The following HUNK variants were observed in gnomAD, a reference collection of about 807,000 sequenced individuals.
HUNK encodes hormonally up-regulated Neu-associated kinase, also known as hormonally up-regulated neu tumor-associated kinase.
A neutral mutation model predicts 61.0 loss-of-function variants in HUNK; 21 were observed. The observed-to-expected ratio is 0.34, with a 90% CI of 0.24 to 0.50. HUNK has a LOEUF of 0.50. Among genes scored for constraint, HUNK ranks in the 20% least tolerant of loss-of-function variants. The pLI is 0.98. For missense variants in HUNK, 772 were observed against 945.7 expected (o/e 0.82, Z 2.41); for synonymous variants, 371 against 386.1 (o/e 0.96, Z 0.46).
chr21:31,978,352 C>G (rs1417265621), intron 7 of HUNK, among the ~76,000 whole-genome samples: 3 of 152,262 alleles, frequency 2.0e-5, no homozygotes, highest in East Asian at 3.9e-4. Context: ...AATCTACTCT[C>G]TTAGCAATTT....
intron 8 of HUNK, among the ~76,000 whole-genome samples, chr21:31,988,929 C>T (rs1162640425): frequency 6.6e-5 from 10 of 151,918 alleles, no homozygotes; most frequent in African/African-American, 2.4e-4. Context: ...CTCCCTGGCT[C>T]AGGTGATCCT....
rs76834263 is a variant in HUNK, at chr21:31,999,274, C to T, written c.*90C>T. On this transcript the variant is annotated 3_prime_UTR_variant, in exon 11 of 11. Transcript: ENST00000270112. ...TCAGGGTGTGAGCACTCCAAGGCCT[C>T]GCGTGGAGCATCCTTAGTCCCACCT... 0.036 allele frequency: 43,231 copies of T among 1,203,064 alleles called. 917 individuals are homozygous for T. Among genetic ancestry groups the T allele is most frequent in the Non-Finnish European group, 0.043 (36,248 of 850,874 alleles). 74.5% of individuals were successfully genotyped at this position (1,203,064 alleles called of 1,614,324 possible).
rs1031722107 is a variant in HUNK at position 31,880,178 on chromosome 21, T to C, written c.261+6243T>C. On this transcript the variant is annotated intron_variant, in intron 1 of 10. Transcript: ENST00000270112. ...CAGGGTGCCCCTCCCGTGCACATTC[T>C]TGTTAGATGCCTGCAGCAGCCCTGG... 2.0e-5 allele frequency among the ~76,000 whole-genome samples: 3 copies of C among 152,190 alleles called. No homozygotes were observed. In the East Asian group the frequency reaches 5.8e-4, roughly 29 times the overall value.
At chr21:31,889,591 C>T (rs990823076) in intron 1 of HUNK, among the ~76,000 whole-genome samples, 1 of 152,186 alleles carries the variant, frequency 6.6e-6, no homozygotes, top group African/African-American at 2.4e-5. Flanking sequence ...GAAAACACAT[C>T]TCCAGGTTTT....
intron 7 of HUNK, among the ~76,000 whole-genome samples, chr21:31,982,806 AT>A (rs2053107038): frequency 2.0e-5 from 3 of 151,024 alleles, no homozygotes; most frequent in African/African-American, 7.3e-5. Context: ...GTTTATTTTT[AT>A]TTTTATTTTT....
rs181466039 is a variant in HUNK at position 31,926,521 on chromosome 21, C to G, written c.554+1761C>G. Among the ~76,000 whole-genome samples, 645 of 152,244 alleles carry G rather than the reference C, an allele frequency of 4.2e-3. 1 individual carries two copies. The highest frequency in any genetic ancestry group is 0.014 in the African/African-American group (595 of 41,530). On this transcript the variant is annotated intron_variant, in intron 2 of 10. Coordinates refer to ENST00000270112, the MANE Select transcript of HUNK (RefSeq NM_014586.2). Reference sequence around the variant, plus strand: ...TCCCCATTTCCCTCTTCCCCCAGCCCTGGCAACTACTAATTTACTTTCCGT... The same window carrying G: ...TCCCCATTTCCCTCTTCCCCCAGCCGTGGCAACTACTAATTTACTTTCCGT...
chr21:31,944,238 C>T (rs929363033), intron 3 of HUNK, among the ~76,000 whole-genome samples: 1 of 152,204 alleles, frequency 6.6e-6, no homozygotes, highest in African/African-American at 2.4e-5. Context: ...CGCCTCCGCG[C>T]CTGGCTAATT....
At chr21:31,884,774 CTTCTTTTTTTT>C (rs1284225781) in intron 1 of HUNK, among the ~76,000 whole-genome samples, 4 of 151,382 alleles carry the variant, frequency 2.6e-5, no homozygotes, top group African/African-American at 9.8e-5. Flanking sequence ...AGACACGTCT[CTTCTTTTTTTT>C]TTCTTTTTTT....
intron 5 of HUNK, among the ~76,000 whole-genome samples, chr21:31,960,156 C>T (rs1256320378): frequency 6.6e-6 from 1 of 152,242 alleles, no homozygotes. Flanking sequence ...ATTTCATACT[C>T]ATTAGCTTAT....
intron 1 of HUNK, among the ~76,000 whole-genome samples, chr21:31,893,021 G>A (rs1354118356): frequency 6.6e-6 from 1 of 152,078 alleles, no homozygotes; most frequent in African/African-American, 2.4e-5. Flanking sequence ...GTAGGGGAGG[G>A]AAAAATGTCT....
At chr21:31,928,089 T>G (rs2052673226) in intron 2 of HUNK, among the ~76,000 whole-genome samples, 1 of 152,214 alleles carries the variant, frequency 6.6e-6, no homozygotes, top group Non-Finnish European at 1.5e-5. Flanking sequence ...GTCGTAAGTG[T>G]GCCTGGCTCT....
At chr21:31,970,735 C>T (rs972440733) in intron 6 of HUNK, among the ~76,000 whole-genome samples, 25 of 152,196 alleles carry the variant, frequency 1.6e-4, no homozygotes, top group Admixed American at 3.3e-4. Flanking sequence ...GCTGCATCTT[C>T]ATTCACAAAG....
intron 1 of HUNK, among the ~76,000 whole-genome samples, chr21:31,913,360 G>C (rs1252193780): frequency 6.6e-6 from 1 of 152,048 alleles, no homozygotes; most frequent in African/African-American, 2.4e-5. Context: ...GATTAGCAGG[G>C]AGGCCCAACT....
intron 9 of HUNK, among the ~76,000 whole-genome samples, chr21:31,991,121 C>G (rs1390869720): frequency 6.6e-6 from 1 of 152,196 alleles, no homozygotes; most frequent in East Asian, 1.9e-4. Context: ...TGTTACAACT[C>G]TACACCTGCC....
intron 1 of HUNK, among the ~76,000 whole-genome samples, chr21:31,890,540 C>T (rs1020193556): frequency 6.6e-6 from 1 of 152,062 alleles, no homozygotes; most frequent in African/African-American, 2.4e-5. Flanking sequence ...GGTAAATATT[C>T]TTTTAAAGTT....
chr21:31,983,465 G>A, intron 7 of HUNK, 61 bp from the exon 8 acceptor site: 5 of 1,321,986 alleles, frequency 3.8e-6, no homozygotes, highest in Non-Finnish European at 5.4e-6. Flanking sequence ...ATTAATGACT[G>A]CTTAATGGGC....
At chr21:31,925,717 A>G (rs1283149522) in intron 2 of HUNK, among the ~76,000 whole-genome samples, 4 of 152,228 alleles carry the variant, frequency 2.6e-5, no homozygotes, top group African/African-American at 9.6e-5. Flanking sequence ...AAAGAAAGTG[A>G]ATGGAAACAG....
Position 31,998,766 on chromosome 21 carries a change from C to T in HUNK, c.1727C>T (p.Pro576Leu), listed in dbSNP as rs761280641. The change falls in exon 11 of 11, where the codon CCC becomes CTC. Residue 576 changes from proline to leucine, a missense_variant. Pro to Leu is a moderately conservative substitution (Grantham distance 98). This residue lies in a region of HUNK where 413 missense variants were observed against 444.4 expected (regional missense o/e 0.93). Transcript: ENST00000270112. The stretch of plus-strand genomic sequence containing the variant: ...GACGACCACGTAGAAGTGCTGTCTC[C>T]CTCTCATCACTACAGGATTCTGAAC... ...DRDDHVEVLS[P>L]SHHYRILNSP... 2.3e-5 allele frequency: 37 copies of T among 1,614,152 alleles called. No homozygotes were observed. The South Asian group carries it at 4.1e-4, about 18-fold the overall frequency.
chr21:31,980,379 C>CT (rs35350096), intron 7 of HUNK, among the ~76,000 whole-genome samples: 28,275 of 84,412 alleles, frequency 0.33, 3,888 homozygotes, highest in East Asian at 0.47. Flanking sequence ...CTGTCTTCTT[C>CT]TTTTTTTTTT....
Sources: gnomAD v4.1 joint callset for allele counts (sites outside exome capture counted in the v4.1 genomes callset) on GRCh38, gnomAD v4.1.1 for gene constraint, gnomAD v4.1.1 regional missense constraint, MANE v1.5 for transcripts, NCBI Gene and HGNC (gene_info 2026-07-23, HGNC 2026-07-21) for gene names.